Variants in OR3A2 observed in about 807,000 individuals in gnomAD.
OR3A2 encodes olfactory receptor 3A2.
For missense variants in OR3A2, 318 were observed against 392.8 expected (o/e 0.81, Z 1.61); for synonymous variants, 126 against 159.3 (o/e 0.79, Z 1.57).
chr17:3,338,093 T>C (rs1175501515), intron 2 of OR3A2, among the ~76,000 whole-genome samples: 5 of 152,230 alleles, frequency 3.3e-5, no homozygotes, highest in Non-Finnish European at 7.3e-5. Context: ...TGTCCATTCA[T>C]ATGCTTTGCC....
intron 3 of OR3A2, among the ~76,000 whole-genome samples, chr17:3,302,636 T>C (rs1192371146): frequency 6.6e-6 from 1 of 152,210 alleles, no homozygotes; most frequent in African/African-American, 2.4e-5. Context: ...TAAATATAGT[T>C]GCACTAATTC....
intron 3 of OR3A2, among the ~76,000 whole-genome samples, chr17:3,300,297 G>C (rs1362582268): frequency 2.6e-5 from 4 of 152,164 alleles, no homozygotes; most frequent in African/African-American, 9.7e-5. Context: ...AGTGGCTTAC[G>C]CCTGTAATCC....
intron 3 of OR3A2, among the ~76,000 whole-genome samples, chr17:3,334,177 T>C (rs7215789): frequency 0.15 from 23,061 of 152,188 alleles, 2,336 homozygotes; most frequent in African/African-American, 0.28. Context: ...TTAGTTCAAC[T>C]ACTGTGGAAG....
At chr17:3,304,318 G>A (rs2048986503) in intron 3 of OR3A2, among the ~76,000 whole-genome samples, 2 of 152,152 alleles carry the variant, frequency 1.3e-5, no homozygotes, top group Non-Finnish European at 2.9e-5. Flanking sequence ...CTGTCTATCT[G>A]TGAAGCTCCC....
At chr17:3,347,086 C>T (rs2049371080) in intron 2 of OR3A2, among the ~76,000 whole-genome samples, 1 of 152,084 alleles carries the variant, frequency 6.6e-6, no homozygotes, top group Admixed American at 6.6e-5. Context: ...TAGGATAGCT[C>T]TATTTCTACT....
intron 3 of OR3A2, chr17:3,292,261 G>T: frequency 6.2e-7 from 1 of 1,614,168 alleles, no homozygotes. Context: ...ACGAACAGAT[G>T]GAAGAAGAAG....
At chr17:3,371,145 C>T (rs1386756290) in intron 2 of OR3A2, among the ~76,000 whole-genome samples, 11 of 151,914 alleles carry the variant, frequency 7.2e-5, no homozygotes, top group African/African-American at 1.9e-4. Flanking sequence ...ACCTCCCAGA[C>T]GGGGTGGTGG....
At chr17:3,348,071 T>G (rs1369893445) in intron 2 of OR3A2, among the ~76,000 whole-genome samples, 2 of 152,196 alleles carry the variant, frequency 1.3e-5, no homozygotes, top group African/African-American at 4.8e-5. Context: ...TCACGTCCTT[T>G]GCCCACTTTT....
At chr17:3,349,764 T>A (rs2049403060) in intron 2 of OR3A2, among the ~76,000 whole-genome samples, 1 of 151,408 alleles carries the variant, frequency 6.6e-6, no homozygotes. Flanking sequence ...TATTCCAAAA[T>A]TGACCACATA....
chr17:3,339,681 T>A (rs1004915149), intron 2 of OR3A2, among the ~76,000 whole-genome samples: 1 of 152,200 alleles, frequency 6.6e-6, no homozygotes, highest in Non-Finnish European at 1.5e-5. Flanking sequence ...TTTGCCAGTA[T>A]TTTATTGAGG....
rs568629257 is a variant in OR3A2 at position 3,378,511 on chromosome 17, C to T, written c.-179+5293G>A. 7.2e-5 allele frequency among the ~76,000 whole-genome samples: 11 copies of T among 152,256 alleles called. 1 individual carries two copies. The South Asian group carries it at 2.1e-3, about 29-fold the overall frequency. ...GCAGGGATGCTTGGGTCCAGAGCCA[C>T]GGCTGGGCAGCTGCAGCTGCGCCTA... On this transcript the variant is annotated intron_variant, in intron 2 of 4. Transcript: ENST00000573491.
intron 1 of OR3A2, among the ~76,000 whole-genome samples, chr17:3,283,729 G>C (rs9905370): frequency 6.6e-6 from 1 of 151,926 alleles, no homozygotes; most frequent in African/African-American, 2.4e-5. Context: ...TCATGGACCA[G>C]TCCACATCTT....
intron 2 of OR3A2, among the ~76,000 whole-genome samples, chr17:3,383,169 A>G (rs1357322325): frequency 6.6e-6 from 1 of 152,242 alleles, no homozygotes; most frequent in African/African-American, 2.4e-5. Context: ...GAAAAGCTGC[A>G]GAGAAAGCAG....
In OR3A2 at chr17:3,315,759, G is replaced by T. The variant is rs532135492; in HGVS notation, c.-85+20274C>A. ...GCTAACTGGTGAAAATATGGGGGGG[G>T]GGGCGGTAGTAAGATGAGTAGTAAG... is the stretch of plus-strand genomic sequence containing the variant. On this transcript the variant is annotated intron_variant, in intron 3 of 4. Coordinates refer to the OR3A2 transcript ENST00000573491. Among the ~76,000 whole-genome samples, 92 of 122,806 alleles carry T rather than the reference G, an allele frequency of 7.5e-4. 3 individuals are homozygous for T. Among genetic ancestry groups the T allele is most frequent in the South Asian group, 6.1e-3 (20 of 3,258 alleles). 80.6% of individuals were successfully genotyped at this position (122,806 alleles called of 152,430 possible). A position where few individuals can be genotyped will look rare whatever the true frequency, so the allele number is the denominator to read the frequency against.
intron 3 of OR3A2, among the ~76,000 whole-genome samples, chr17:3,326,261 G>A (rs1008673814): frequency 6.6e-6 from 1 of 152,050 alleles, no homozygotes; most frequent in Non-Finnish European, 1.5e-5. Flanking sequence ...ATGTGTGCAT[G>A]TATCTTTATA....
At chr17:3,300,643 G>A (rs1298072039) in intron 3 of OR3A2, among the ~76,000 whole-genome samples, 1 of 151,294 alleles carries the variant, frequency 6.6e-6, no homozygotes, top group Non-Finnish European at 1.5e-5. Flanking sequence ...ATGAAGAAAC[G>A]ACATAATATC....
intron 3 of OR3A2, among the ~76,000 whole-genome samples, chr17:3,331,030 G>T (rs866205083): frequency 2.0e-5 from 3 of 152,118 alleles, no homozygotes; most frequent in Non-Finnish European, 2.9e-5. Context: ...TAAGAATGTT[G>T]ACTATTGGCC....
chr17:3,354,600 A>T (rs1460790729), intron 2 of OR3A2, among the ~76,000 whole-genome samples: 1 of 151,342 alleles, frequency 6.6e-6, no homozygotes, highest in Non-Finnish European at 1.5e-5. Flanking sequence ...TGGTATCAGT[A>T]GCAATGAGTC....
At chr17:3,344,952 C>T (rs571496616) in intron 2 of OR3A2, among the ~76,000 whole-genome samples, 22 of 152,300 alleles carry the variant, frequency 1.4e-4, no homozygotes, top group African/African-American at 5.3e-4. Flanking sequence ...CTCTAGGACT[C>T]ACTTTTGCTC....
Sources: allele counts gnomAD v4.1 joint callset (sites outside exome capture counted in the v4.1 genomes callset), GRCh38; gene constraint gnomAD v4.1.1; transcripts MANE v1.5; gene names NCBI Gene and HGNC (gene_info 2026-07-23, HGNC 2026-07-21).